Variants in CEMIP observed in about 807,000 individuals in gnomAD.
CEMIP encodes the protein cell migration inducing hyaluronidase 1, also known as cell migration-inducing and hyaluronan-binding protein.
A neutral mutation model predicts 156.9 loss-of-function variants in CEMIP; 105 were observed. The ratio of observed to expected loss-of-function variants is 0.67; its 90% CI spans 0.57 to 0.79. The LOEUF is 0.79. CEMIP is among the 30% of genes least tolerant of loss of function. The probability of loss-of-function intolerance (pLI) is 0.00; values close to 1 mark genes in which losing one functional copy is unlikely to be tolerated. For synonymous variants in CEMIP, 676 were observed against 668.4 expected, an observed-to-expected ratio of 1.01 and a Z score of -0.17; for missense variants, 1,457 against 1,769.4, an observed-to-expected ratio of 0.82 and a Z score of 3.17.
At chr15:80,919,009 G>C (rs535751747) in intron 14 of CEMIP, among the ~76,000 whole-genome samples, 1 of 152,136 alleles carries the variant, frequency 6.6e-6, no homozygotes, top group Admixed American at 6.5e-5. Flanking sequence ...TAAGATCCCC[G>C]CGCTGCTTGG....
intron 1 of CEMIP, among the ~76,000 whole-genome samples, chr15:80,794,263 A>G (rs751553597): frequency 1.3e-5 from 2 of 152,208 alleles, no homozygotes; most frequent in Non-Finnish European, 2.9e-5. Context: ...TAGTATCCAT[A>G]TTCATATGAC....
intron 1 of CEMIP, among the ~76,000 whole-genome samples, chr15:80,847,451 C>T (rs895964463): frequency 2.6e-5 from 4 of 152,102 alleles, no homozygotes; most frequent in Admixed American, 1.3e-4. Flanking sequence ...AGAAAGCTTC[C>T]GGGTTGGGGT....
rs370316608 is a variant in CEMIP, at chr15:80,835,253, C to T, written c.-175-38285C>T. Among the ~76,000 whole-genome samples the T allele has an allele frequency of 5.9e-5, 9 of 152,190 alleles. No individual in the cohort carries two copies. In the East Asian group the frequency reaches 7.7e-4, roughly 13 times the overall value. ...GCCCTATGAAGCTACTCCAAGTTCC[C>T]CCAATTCACCATGCTTTTGCTCCTA... On this transcript the variant is annotated intron_variant, in intron 1 of 29. Coordinates refer to ENST00000394685, the MANE Select transcript of CEMIP (RefSeq NM_001293298.2).
chr15:80,811,928 G>A (rs539532716), intron 1 of CEMIP, among the ~76,000 whole-genome samples: 6 of 152,320 alleles, frequency 3.9e-5, no homozygotes, highest in African/African-American at 1.2e-4. Context: ...TGCTTTGAGT[G>A]CCAGAGAATT....
At chr15:80,812,907 C>T (rs1896703199) in intron 1 of CEMIP, among the ~76,000 whole-genome samples, 1 of 152,154 alleles carries the variant, frequency 6.6e-6, no homozygotes, top group Non-Finnish European at 1.5e-5. Flanking sequence ...GGGTTTGGGT[C>T]AGAGGCCTAT....
At chr15:80,797,790 G>A (rs904832223) in intron 1 of CEMIP, among the ~76,000 whole-genome samples, 6 of 152,230 alleles carry the variant, frequency 3.9e-5, no homozygotes, top group African/African-American at 1.4e-4. Context: ...TGAGAAAGAA[G>A]TCCTGCAGCT....
intron 1 of CEMIP, among the ~76,000 whole-genome samples, chr15:80,849,485 G>A (rs1171923043): frequency 6.6e-6 from 1 of 152,124 alleles, no homozygotes; most frequent in Non-Finnish European, 1.5e-5. Context: ...AGTCACCCTG[G>A]CCTCTTCCCT....
intron 1 of CEMIP, among the ~76,000 whole-genome samples, chr15:80,819,096 G>T (rs1317048590): frequency 1.3e-5 from 2 of 152,208 alleles, no homozygotes; most frequent in Non-Finnish European, 2.9e-5. Flanking sequence ...CTGAGAGAAT[G>T]CCATTTTCTG....
At chr15:80,879,598 G>A in intron 4 of CEMIP, 118 bp from the exon 5 acceptor site, 2 of 1,150,164 alleles carry the variant, frequency 1.7e-6, no homozygotes, top group Admixed American at 3.4e-5. Context: ...TTTGGAAGAT[G>A]TGCCTTTTTG....
intron 28 of CEMIP, chr15:80,946,691 A>C (rs1901569366): frequency 2.1e-6 from 1 of 466,216 alleles, no homozygotes; most frequent in Non-Finnish European, 4.0e-6. Context: ...TTGGAGAGAG[A>C]CATGTAAACG....
chr15:80,864,765 G>A (rs901377457), intron 1 of CEMIP, among the ~76,000 whole-genome samples: 4 of 152,186 alleles, frequency 2.6e-5, no homozygotes, highest in African/African-American at 9.7e-5. Flanking sequence ...GCTGACAAGT[G>A]TCTGTTTGAG....
At chr15:80,789,407 T>G (rs1347769530) in intron 1 of CEMIP, among the ~76,000 whole-genome samples, 2 of 152,204 alleles carry the variant, frequency 1.3e-5, no homozygotes, top group African/African-American at 4.8e-5. Flanking sequence ...TAGAATGTTT[T>G]GCAAATTCTG....
intron 29 of CEMIP, 129 bp from the exon 30 acceptor site, chr15:80,948,668 G>A: frequency 1.6e-6 from 2 of 1,229,706 alleles, no homozygotes; most frequent in Non-Finnish European, 1.2e-6. Context: ...TTCCCAAGGG[G>A]CCACAGTGCA....
chr15:80,929,281 T>G, intron 21 of CEMIP, 107 bp downstream of exon 21: 1 of 1,343,128 alleles, frequency 7.4e-7, no homozygotes, highest in East Asian at 2.3e-5. Context: ...CTATGAATTC[T>G]TCTACCAGCC....
intron 6 of CEMIP, among the ~76,000 whole-genome samples, chr15:80,883,194 T>G (rs1322177341): frequency 6.6e-6 from 1 of 152,248 alleles, no homozygotes; most frequent in African/African-American, 2.4e-5. Flanking sequence ...GAATTTCTAC[T>G]GTAATTGCAT....
chr15:80,845,449 T>C (rs1897529942), intron 1 of CEMIP, among the ~76,000 whole-genome samples: 1 of 152,074 alleles, frequency 6.6e-6, no homozygotes, highest in South Asian at 2.1e-4. Context: ...TACCCAGAAA[T>C]ATATTGAGCA....
At chr15:80,907,730 C>T (rs892248485) in intron 13 of CEMIP, among the ~76,000 whole-genome samples, 26 of 152,142 alleles carry the variant, frequency 1.7e-4, no homozygotes, top group African/African-American at 5.6e-4. Flanking sequence ...TAGTATTAAG[C>T]TCAAAGAGGA....
chr15:80,891,820 T>C (rs1281843265), intron 10 of CEMIP, among the ~76,000 whole-genome samples: 2 of 152,214 alleles, frequency 1.3e-5, no homozygotes, highest in Non-Finnish European at 2.9e-5. Flanking sequence ...AGAGCATCTC[T>C]TCATGCTCAT....
intron 10 of CEMIP, among the ~76,000 whole-genome samples, chr15:80,892,957 T>A (rs952560942): frequency 6.6e-6 from 1 of 152,006 alleles, no homozygotes. Flanking sequence ...GAGGCCAAAG[T>A]GGGTGGATCA....
Sources: allele counts gnomAD v4.1 joint callset (sites outside exome capture counted in the v4.1 genomes callset), GRCh38; gene constraint gnomAD v4.1.1; transcripts MANE v1.5; gene names NCBI Gene and HGNC (gene_info 2026-07-23, HGNC 2026-07-21).